ITSN2: variants seen among roughly 807,000 people sequenced by gnomAD.
ITSN2 encodes intersectin-2.
Under a neutral mutation model 243.7 loss-of-function variants are expected in ITSN2, and 156 were observed. That is an observed-to-expected ratio of 0.64 (90% confidence interval 0.56 to 0.73). The LOEUF is 0.73. Among genes scored for constraint, ITSN2 ranks in the 30% least tolerant of loss-of-function variants. ITSN2 has a pLI of 0.00. For missense variants in ITSN2, 1,801 were observed against 1,996.1 expected, an observed-to-expected ratio of 0.90 and a Z score of 1.86; for synonymous variants, 703 against 699.9, an observed-to-expected ratio of 1.00 and a Z score of -0.07.
intron 17 of ITSN2, among the ~76,000 whole-genome samples, chr2:24,281,692 C>A: frequency 6.6e-6 from 1 of 152,202 alleles, no homozygotes; most frequent in East Asian, 1.9e-4. Context: ...TTAGGTTTTC[C>A]TCTACTAAGC....
chr2:24,299,434 C>T (rs1049705431), intron 12 of ITSN2, among the ~76,000 whole-genome samples: 6 of 152,140 alleles, frequency 3.9e-5, no homozygotes, highest in Non-Finnish European at 8.8e-5. Flanking sequence ...ACAGCCAGTC[C>T]TCCTAAGGAC....
intron 1 of ITSN2, among the ~76,000 whole-genome samples, chr2:24,343,460 T>G (rs1186905276): frequency 6.6e-6 from 1 of 152,180 alleles, no homozygotes; most frequent in Non-Finnish European, 1.5e-5. Flanking sequence ...TGCTTTTGCT[T>G]GTACTGTAAC....
Position 24,203,378 on chromosome 2 carries a change from TAAAC to T in ITSN2, c.*244_*247del, listed in dbSNP as rs569464904. On this transcript the variant is annotated 3_prime_UTR_variant, in exon 40 of 40. Transcript: ENST00000355123. ...CCCTGAAAATGGAAACCTTGGCATCTAAACAAACAGAGCTGAACATGTGAACACT... is the reference window on the plus strand; with the variant it reads ...CCCTGAAAATGGAAACCTTGGCATCTAAACAGAGCTGAACATGTGAACACT... The T allele has an allele frequency of 9.9e-5, 37 of 374,734 alleles. No individual in the cohort carries two copies. The highest frequency in any genetic ancestry group is 5.9e-4 in the African/African-American group (29 of 49,514). The allele number at this position is 374,734 out of a possible 1,614,324, so 23.2% of individuals were successfully genotyped here.
At chr2:24,308,825 C>T (rs1428036683) in intron 7 of ITSN2, 69 bp from the exon 8 acceptor site, 13 of 940,196 alleles carry the variant, frequency 1.4e-5, no homozygotes, top group Non-Finnish European at 1.8e-5. Context: ...TTTATAAGAC[C>T]AAGGCATTAA....
chr2:24,213,015 C>T (rs1248423554), intron 32 of ITSN2, among the ~76,000 whole-genome samples: 1 of 152,110 alleles, frequency 6.6e-6, no homozygotes, highest in Non-Finnish European at 1.5e-5. Context: ...TTTTAAATAA[C>T]TCAGGATCTA....
intron 29 of ITSN2, among the ~76,000 whole-genome samples, chr2:24,224,886 T>A (rs1213609580): frequency 6.6e-6 from 1 of 152,198 alleles, no homozygotes; most frequent in Non-Finnish European, 1.5e-5. Context: ...CATCTCGGCC[T>A]CTCGAAGTGC....
intron 17 of ITSN2, among the ~76,000 whole-genome samples, chr2:24,281,401 T>C (rs1678760495): frequency 6.6e-6 from 1 of 152,210 alleles, no homozygotes; most frequent in South Asian, 2.1e-4. Flanking sequence ...TTAACACCCC[T>C]TCCTCTCTTC....
chr2:24,322,031 C>T (rs1294966535), intron 2 of ITSN2, among the ~76,000 whole-genome samples: 1 of 152,180 alleles, frequency 6.6e-6, no homozygotes, highest in African/African-American at 2.4e-5. Context: ...CCATATTGAA[C>T]TCAGCACTAA....
chr2:24,215,833 A>T (rs933882966), intron 32 of ITSN2, among the ~76,000 whole-genome samples: 1 of 152,186 alleles, frequency 6.6e-6, no homozygotes, highest in African/African-American at 2.4e-5. Context: ...CTCTGCTATC[A>T]GATGGGGAAA....
intron 1 of ITSN2, among the ~76,000 whole-genome samples, chr2:24,350,944 T>C (rs1687968156): frequency 6.6e-6 from 1 of 152,204 alleles, no homozygotes; most frequent in Non-Finnish European, 1.5e-5. Flanking sequence ...GTTGCACAAG[T>C]CTGTGAATAT....
rs986976323 is a variant in ITSN2, at chr2:24,334,786, G to A, written c.-33-6671C>T. 70 of 1,441,994 alleles carry A rather than the reference G, an allele frequency of 4.9e-5. No homozygotes were observed. In the African/African-American group the frequency reaches 7.3e-4, roughly 15 times the overall value. 89.3% of individuals were successfully genotyped at this position (1,441,994 alleles called of 1,614,324 possible). A position where few individuals can be genotyped will look rare whatever the true frequency, so the allele number is the denominator to read the frequency against. On this transcript the variant is annotated intron_variant, in intron 1 of 39. Transcript: ENST00000355123. ...CTATTAAAAGATGCAAGCATTGGCC[G>A]GGCGCGGTGGCTCACGCCTGTAATC...
At chr2:24,330,298 C>T in intron 1 of ITSN2, 1 of 390,180 alleles carries the variant, frequency 2.6e-6, no homozygotes, top group Non-Finnish European at 4.9e-6. Flanking sequence ...AAATAGAGAG[C>T]AACGTGAAGA....
chr2:24,272,951 A>AC (rs1446662063), intron 18 of ITSN2, among the ~76,000 whole-genome samples: 1 of 152,104 alleles, frequency 6.6e-6, no homozygotes, highest in Non-Finnish European at 1.5e-5. Flanking sequence ...TCACAACCTT[A>AC]CTCAGAGGTA....
Position 24,270,708 on chromosome 2 carries a change from T to C in ITSN2, c.2318A>G (p.His773Arg), listed in dbSNP as rs887029276. Residue 773 changes from histidine to arginine, a missense_variant, in exon 20 of 40, where the codon CAT becomes CGT. Physicochemically the swap from His to Arg is conservative, Grantham distance 29. This residue lies in a region of ITSN2 where 787 missense variants were observed against 803.9 expected (regional missense o/e 0.98). Transcript: ENST00000355123. ...TCCAGAATTAAAACTCATCTCATCA[T>C]GGTTCCTTGCTTCAAAGGGGTATAA... ...RALYPFEARN[H>R]DEMSFNSGDI... is the part of the protein sequence containing the mutation. 4 of 1,602,932 alleles carry C rather than the reference T, an allele frequency of 2.5e-6. No homozygotes were observed. The highest frequency in any genetic ancestry group is 1.1e-5 in the South Asian group (1 of 90,048).
chr2:24,226,315 C>T (rs1217118384), intron 29 of ITSN2, among the ~76,000 whole-genome samples: 1 of 152,146 alleles, frequency 6.6e-6, no homozygotes, highest in Non-Finnish European at 1.5e-5. Flanking sequence ...TTGGCCTCTG[C>T]CTGGGTTTGG....
At position 24,310,543 on chromosome 2, in the gene ITSN2, G is replaced by A; in HGVS notation, c.502C>T (p.Pro168Ser). 6.2e-7 allele frequency: 1 copy of A among 1,614,128 alleles called. No homozygotes were observed. The highest frequency in any genetic ancestry group is 8.5e-7 in the Non-Finnish European group (1 of 1,180,016). The change falls in exon 6 of 40, where the codon CCA (proline) becomes TCA (serine). Residue 168 changes from proline to serine, a missense_variant. Pro to Ser is a moderately conservative substitution (Grantham distance 74). This residue lies in a region of ITSN2 where 787 missense variants were observed against 803.9 expected (regional missense o/e 0.98). Transcript: ENST00000355123. ...LVPSVSTSSL[P>S]NGTASLIQPL... ...TGAATGAGACTGGCGGTTCCATTTG[G>A]TAATGATGATGTGCTAACAGAAGGC...
Position 24,271,753 on chromosome 2 carries a change from T to C in ITSN2, c.2257+13A>G. On this transcript the variant is annotated intron_variant, in intron 19 of 39. Coordinates refer to ENST00000355123, the MANE Select transcript of ITSN2 (RefSeq NM_006277.3). ...GCATTTGTTCTACTGTCTCAAAGTATCCTTATCCTTACGTTTTTTCTCCTC... is the reference window on the plus strand; with the variant it reads ...GCATTTGTTCTACTGTCTCAAAGTACCCTTATCCTTACGTTTTTTCTCCTC... The C allele has an allele frequency of 6.4e-7, 1 of 1,573,414 alleles. No homozygotes were observed. The highest frequency in any genetic ancestry group is 1.4e-5 in the African/African-American group (1 of 72,690).
Position 24,307,353 on chromosome 2 carries a change from TAAAA to T in ITSN2, c.793+1260_793+1263del, listed in dbSNP as rs536698735. Among the ~76,000 whole-genome samples the T allele has an allele frequency of 2.1e-4, 29 of 140,982 alleles. 1 individual carries two copies. The South Asian group carries it at 6.4e-3, about 31-fold the overall frequency. 92.5% of individuals were successfully genotyped at this position (140,982 alleles called of 152,430 possible). A position where few individuals can be genotyped will look rare whatever the true frequency, so the allele number is the denominator to read the frequency against. On this transcript the variant is annotated intron_variant, in intron 8 of 39. Transcript: ENST00000355123. ...TCCTAATTTTAGAGACATTAAAATG[TAAAA>T]AAAAAAAAGTGTCAAAAAAGCATAC...
At chr2:24,312,905 C>T (rs184685321) in intron 4 of ITSN2, among the ~76,000 whole-genome samples, 9 of 152,084 alleles carry the variant, frequency 5.9e-5, no homozygotes, top group Non-Finnish European at 1.0e-4. Context: ...TACAAAATAA[C>T]AGAAAGAGGA....
Sources: gnomAD v4.1 joint callset for allele counts (sites outside exome capture counted in the v4.1 genomes callset) on GRCh38, gnomAD v4.1.1 for gene constraint, gnomAD v4.1.1 regional missense constraint, MANE v1.5 for transcripts, NCBI Gene and HGNC (gene_info 2026-07-23, HGNC 2026-07-21) for gene names.